The following GSN variants were observed in gnomAD, a reference collection of about 807,000 sequenced individuals.
GSN encodes the protein gelsolin, also known as actin-depolymerizing factor.
Under a neutral mutation model 85.7 loss-of-function variants are expected in GSN, and 56 were observed. The observed-to-expected ratio is 0.65, with a 90% CI of 0.53 to 0.82. GSN has a LOEUF of 0.82. Among genes scored for constraint, GSN ranks in the 40% least tolerant of loss-of-function variants. The probability of loss-of-function intolerance (pLI) is 0.00; values close to 1 mark genes in which losing one functional copy is unlikely to be tolerated. For synonymous variants in GSN, 373 were observed against 399.1 expected (o/e 0.93, Z 0.78); for missense variants, 857 against 979.8 (o/e 0.87, Z 1.67).
In GSN at chr9:121,302,037, G is replaced by A. The variant is rs2059927364; in HGVS notation, c.66G>A (p.Val22=). The A allele has an allele frequency of 6.2e-7, 1 of 1,614,124 alleles. No homozygotes were observed. Among genetic ancestry groups the A allele is most frequent in the Non-Finnish European group, 8.5e-7 (1 of 1,180,038 alleles). ...GKEPGLQIWR[V]EKFDLVPVPT... is the part of the protein sequence containing the mutation. ...AGCCTGGCCTGCAGATCTGGCGTGT[G>A]GAGAAGTTCGATCTGGTGCCCGTGC... The change falls in exon 3 of 18, where the codon GTG becomes GTA. Residue 22 remains valine, a synonymous_variant. Coordinates refer to ENST00000432226, the MANE Select transcript of GSN (RefSeq NM_198252.3).
chr9:121,242,418 C>G (rs987443794), intron 5 of GSN, among the ~76,000 whole-genome samples: 2 of 152,064 alleles, frequency 1.3e-5, no homozygotes, highest in Non-Finnish European at 2.9e-5. Flanking sequence ...ACCTTGGTGA[C>G]TCACAGAGTT....
Position 121,324,534 on chromosome 9 carries a change from A to C in GSN, c.1326-20A>C. On this transcript the variant is annotated intron_variant, in intron 11 of 17. Coordinates refer to ENST00000432226, the MANE Select transcript of GSN (RefSeq NM_198252.3). Reference sequence around the variant, plus strand: ...GGGCTCTGTGTGCACCCTGATGCTGAATCTCACTTCCCCTTCCAGGCAGGG... The same window carrying C: ...GGGCTCTGTGTGCACCCTGATGCTGCATCTCACTTCCCCTTCCAGGCAGGG... The C allele has an allele frequency of 1.5e-6, 2 of 1,341,964 alleles. No homozygotes were observed. Among genetic ancestry groups the C allele is most frequent in the Non-Finnish European group, 2.1e-6 (2 of 957,572 alleles). The allele number at this position is 1,341,964 out of a possible 1,614,324, so 83.1% of individuals were successfully genotyped here. A position where few individuals can be genotyped will look rare whatever the true frequency, so the allele number is the denominator to read the frequency against.
intron 6 of GSN, among the ~76,000 whole-genome samples, chr9:121,250,145 G>A (rs1193154379): frequency 6.6e-6 from 1 of 151,252 alleles, no homozygotes; most frequent in Non-Finnish European, 1.5e-5. Context: ...ACACACCAAT[G>A]ACTATATCTT....
At chr9:121,306,313 C>T (rs1466146058) in intron 4 of GSN, among the ~76,000 whole-genome samples, 1 of 152,132 alleles carries the variant, frequency 6.6e-6, no homozygotes, top group Non-Finnish European at 1.5e-5. Flanking sequence ...GTGGAGGGGC[C>T]CAAGCCTGAT....
chr9:121,308,167 T>C (rs1373202769), intron 4 of GSN, among the ~76,000 whole-genome samples: 1 of 152,222 alleles, frequency 6.6e-6, no homozygotes, highest in Non-Finnish European at 1.5e-5. Flanking sequence ...GAAGGGGCCC[T>C]GGAAGCAGGG....
chr9:121,332,300 C>T lies in GSN; in HGVS notation c.2027-134C>T. The stretch of plus-strand genomic sequence containing the variant: ...CTTTAAAGGAGGATGGTGCCCAGGG[C>T]AGGGGGTGGGCAGTAGGGACAGTAG... On this transcript the variant is annotated intron_variant, in intron 17 of 17. Transcript: ENST00000432226. The surrounding 1 kb of genome is among the most constrained non-coding windows in gnomAD (Gnocchi z 4.8). 6 of 838,286 alleles carry T rather than the reference C, an allele frequency of 7.2e-6. No homozygotes were observed. The highest frequency in any genetic ancestry group is 2.5e-5 in the East Asian group (1 of 40,654). 51.9% of individuals were successfully genotyped at this position (838,286 alleles called of 1,614,324 possible).
intron 5 of GSN, among the ~76,000 whole-genome samples, chr9:121,246,636 G>T (rs1006917366): frequency 6.6e-6 from 1 of 151,676 alleles, no homozygotes; most frequent in Admixed American, 6.6e-5. Flanking sequence ...ACAATATCAG[G>T]TCCCTCCATA....
Position 121,299,049 on chromosome 9 carries a change from T to C in GSN, c.-9-2914T>C, listed in dbSNP as rs1455654339. On this transcript the variant is annotated intron_variant, in intron 2 of 17. Transcript: ENST00000432226. This position sits in a 1 kb window ranked among gnomAD's most constrained non-coding sequence, Gnocchi z 4.2. ...AGACATGACGGTAAACCCTGAACCA[T>C]CAGCTAAAAGAGGTAGATAGCAGTG... 1.3e-5 allele frequency among the ~76,000 whole-genome samples: 2 copies of C among 152,208 alleles called. No homozygotes were observed. Among genetic ancestry groups the C allele is most frequent in the African/African-American group, 4.8e-5 (2 of 41,430 alleles).
At position 121,332,227 on chromosome 9, in the gene GSN, T is replaced by G. The variant is rs2064005856; in HGVS notation, c.2027-207T>G. On this transcript the variant is annotated intron_variant, in intron 17 of 17. Transcript: ENST00000432226. The surrounding 1 kb of genome is among the most constrained non-coding windows in gnomAD (Gnocchi z 4.8). ...GAGATTAAGCCGTAGCCCTGTTCCT[T>G]CCTGTGTTCCTGAGCAGGGTGGTGG... Among the ~76,000 whole-genome samples, 1 of 152,158 alleles carries G rather than the reference T, an allele frequency of 6.6e-6. No homozygotes were observed. Among genetic ancestry groups the G allele is most frequent in the African/African-American group, 2.4e-5 (1 of 41,438 alleles).
intron 5 of GSN, among the ~76,000 whole-genome samples, chr9:121,245,081 C>T (rs1190498819): frequency 6.6e-6 from 1 of 152,076 alleles, no homozygotes; most frequent in African/African-American, 2.4e-5. Context: ...ATTAAAATGA[C>T]CCTGTGTGTC....
At position 121,312,798 on chromosome 9, in the gene GSN, T is replaced by G. The variant is rs574797225; in HGVS notation, c.663+310T>G. ...GAGTGCTACCAAGCCAGGCTAACTT[T>G]TGAATTTTTTGTAGGAATGAGGTCT... On this transcript the variant is annotated intron_variant, in intron 6 of 17. Coordinates refer to ENST00000432226, the MANE Select transcript of GSN (RefSeq NM_198252.3). The G allele has an allele frequency of 1.6e-4, 30 of 192,406 alleles. No individual in the cohort carries two copies. The South Asian group carries it at 3.4e-3, about 22-fold the overall frequency. 11.9% of individuals were successfully genotyped at this position (192,406 alleles called of 1,614,324 possible).
chr9:121,243,139 A>G (rs1203108672), intron 5 of GSN, among the ~76,000 whole-genome samples: 1 of 152,186 alleles, frequency 6.6e-6, no homozygotes, highest in Non-Finnish European at 1.5e-5. Flanking sequence ...TGAAGGCTCC[A>G]GGGAGAATCC....
intron 2 of GSN, among the ~76,000 whole-genome samples, chr9:121,287,598 C>T (rs966272060): frequency 1.3e-5 from 2 of 152,112 alleles, no homozygotes; most frequent in Non-Finnish European, 2.9e-5. Flanking sequence ...GCAGCTCGGC[C>T]TCTGATTGAA....
At position 121,299,577 on chromosome 9, in the gene GSN, G is replaced by A; in HGVS notation, c.-9-2386G>A. On this transcript the variant is annotated intron_variant, in intron 2 of 17. Transcript: ENST00000432226. The surrounding 1 kb of genome is among the most constrained non-coding windows in gnomAD (Gnocchi z 4.2). ...CGTCGCAGGAGGCTCAGCTGGGCTC[G>A]CCGCCGCTCGTGCCTGCGCCCATTT... 1 of 639,854 alleles carries A rather than the reference G, an allele frequency of 1.6e-6. No homozygotes were observed. The highest frequency in any genetic ancestry group is 1.4e-4 in the East Asian group (1 of 7,246). 39.6% of individuals were successfully genotyped at this position (639,854 alleles called of 1,614,324 possible). A position where few individuals can be genotyped will look rare whatever the true frequency, so the allele number is the denominator to read the frequency against.
chr9:121,294,341 C>T (rs1326702534), intron 2 of GSN, among the ~76,000 whole-genome samples: 4 of 152,180 alleles, frequency 2.6e-5, no homozygotes, highest in Non-Finnish European at 5.9e-5. Flanking sequence ...GCAGCCCTGG[C>T]TACTGACCCA....
intron 6 of GSN, among the ~76,000 whole-genome samples, chr9:121,255,035 G>A (rs1000717724): frequency 6.6e-6 from 1 of 151,974 alleles, no homozygotes; most frequent in Admixed American, 6.6e-5. Flanking sequence ...TGCAAGCTCT[G>A]CCCCCTGGGT....
chr9:121,273,865 T>C (rs895150412), intron 1 of GSN, among the ~76,000 whole-genome samples: 15 of 152,348 alleles, frequency 9.8e-5, no homozygotes, highest in African/African-American at 1.4e-4. Context: ...ACAAAAAGGC[T>C]GAGAGAAACA....
chr9:121,312,976 G>A (rs10818527), intron 6 of GSN: 61,277 of 156,520 alleles, frequency 0.39, 12,824 homozygotes, highest in African/African-American at 0.55. Context: ...ACTTTAGGGA[G>A]CAAGGGAGAT....
At chr9:121,251,995 A>G (rs2054848533) in intron 6 of GSN, among the ~76,000 whole-genome samples, 1 of 152,166 alleles carries the variant, frequency 6.6e-6, no homozygotes, top group Admixed American at 6.5e-5. Flanking sequence ...ACATACAAAC[A>G]ATTCAAGTAT....
Sources: allele counts gnomAD v4.1 joint callset (sites outside exome capture counted in the v4.1 genomes callset), GRCh38; gene constraint gnomAD v4.1.1; non-coding constraint Gnocchi (gnomAD v3.1); transcripts MANE v1.5; gene names NCBI Gene and HGNC (gene_info 2026-07-23, HGNC 2026-07-21).